The following DOP1B variants were observed in gnomAD, a reference collection of about 807,000 sequenced individuals.
DOP1B encodes the protein DOP1 leucine zipper like protein B.
In DOP1B, 174 loss-of-function variants were observed where a neutral mutation model predicts 233.5. The ratio of observed to expected loss-of-function variants is 0.75; its 90% CI spans 0.66 to 0.85. The LOEUF (loss-of-function observed/expected upper bound fraction) is 0.85. DOP1B is among the 40% of genes least tolerant of loss of function. The pLI is 0.00. For synonymous variants in DOP1B, 1,190 were observed against 1,185.6 expected (o/e 1.00, Z -0.08); for missense variants, 2,652 against 2,846.6 (o/e 0.93, Z 1.56).
chr21:36,206,940 A>G (rs535695928), intron 4 of DOP1B, among the ~76,000 whole-genome samples: 7 of 152,314 alleles, frequency 4.6e-5, no homozygotes, highest in South Asian at 2.1e-4. Context: ...AATATTTTAC[A>G]GGAAGTTCAG....
At position 36,278,737 on chromosome 21, in the gene DOP1B, C is replaced by T. The variant is rs542337334; in HGVS notation, c.5969+382C>T. 3.9e-5 allele frequency among the ~76,000 whole-genome samples: 6 copies of T among 152,090 alleles called. No homozygotes were observed. In the South Asian group the frequency reaches 6.2e-4, roughly 16 times the overall value. ...TTCAAAAATTAGCCGGGCATGGCAGCGCACACCTGTAGTTCCAGCTACTCG... is the reference window on the plus strand; with the variant it reads ...TTCAAAAATTAGCCGGGCATGGCAGTGCACACCTGTAGTTCCAGCTACTCG... On this transcript the variant is annotated intron_variant, in intron 30 of 36. Coordinates refer to ENST00000691173, the MANE Select transcript of DOP1B (RefSeq NM_001320714.2).
intron 2 of DOP1B, among the ~76,000 whole-genome samples, chr21:36,183,049 C>T (rs1311648121): frequency 6.6e-6 from 1 of 152,182 alleles, no homozygotes; most frequent in Non-Finnish European, 1.5e-5. Context: ...GAGGCAGGGT[C>T]TCACTATGTT....
intron 2 of DOP1B, among the ~76,000 whole-genome samples, chr21:36,177,265 C>G (rs1053652511): frequency 6.6e-6 from 1 of 152,150 alleles, no homozygotes; most frequent in Non-Finnish European, 1.5e-5. Flanking sequence ...CACTGCTACC[C>G]CAGGCTTCAC....
intron 13 of DOP1B, among the ~76,000 whole-genome samples, chr21:36,229,947 G>T (rs1045137950): frequency 1.3e-5 from 2 of 152,118 alleles, no homozygotes; most frequent in African/African-American, 4.8e-5. Context: ...ACAGGCATGA[G>T]CCACCACACC....
chr21:36,164,046 A>G (rs967814560), intron 1 of DOP1B, among the ~76,000 whole-genome samples: 2 of 152,222 alleles, frequency 1.3e-5, no homozygotes, highest in African/African-American at 4.8e-5. Context: ...GAGCTGTCAC[A>G]TGGCCACCTA....
chr21:36,234,638 T>A (rs2066806059), intron 15 of DOP1B, among the ~76,000 whole-genome samples: 2 of 152,084 alleles, frequency 1.3e-5, no homozygotes, highest in South Asian at 4.1e-4. Context: ...CCTCCTGAAT[T>A]CAAGCGATTC....
intron 18 of DOP1B, among the ~76,000 whole-genome samples, chr21:36,240,709 T>A (rs768204051): frequency 5.6e-5 from 8 of 142,250 alleles, no homozygotes; most frequent in Admixed American, 6.9e-5. Context: ...AAAGAAAAAC[T>A]AAATAAGCCT....
chr21:36,290,221 T>C (rs2067539771), intron 35 of DOP1B, among the ~76,000 whole-genome samples: 1 of 152,254 alleles, frequency 6.6e-6, no homozygotes, highest in Non-Finnish European at 1.5e-5. Flanking sequence ...GAAAGTCTTT[T>C]AGTTTTTAAA....
chr21:36,289,458 T>C (rs955403336), intron 35 of DOP1B, among the ~76,000 whole-genome samples: 14 of 149,192 alleles, frequency 9.4e-5, no homozygotes, highest in East Asian at 3.9e-4. Context: ...TGTGTGTGTG[T>C]GTGTGTGTGT....
chr21:36,195,756 C>A (rs2835312), intron 2 of DOP1B, among the ~76,000 whole-genome samples: 1 of 152,114 alleles, frequency 6.6e-6, no homozygotes, highest in South Asian at 2.1e-4. Flanking sequence ...GAAAAGAGAT[C>A]TATCAGTCAG....
intron 13 of DOP1B, among the ~76,000 whole-genome samples, chr21:36,228,220 T>C (rs887189204): frequency 1.3e-5 from 2 of 152,022 alleles, no homozygotes; most frequent in Non-Finnish European, 2.9e-5. Flanking sequence ...CCCAGCACTT[T>C]GGCAAGCTGA....
At chr21:36,235,654 G>C (rs1459848229) in intron 15 of DOP1B, among the ~76,000 whole-genome samples, 1 of 152,096 alleles carries the variant, frequency 6.6e-6, no homozygotes, top group East Asian at 1.9e-4. Context: ...CTTGAGCCAA[G>C]GAGGCAGAGG....
At chr21:36,232,664 A>C in intron 14 of DOP1B, 140 bp from the exon 15 acceptor site, 1 of 1,123,258 alleles carries the variant, frequency 8.9e-7, no homozygotes, top group Non-Finnish European at 1.3e-6. Flanking sequence ...AAGTCTCACC[A>C]GCGGGAGGTT....
At chr21:36,276,666 C>T (rs1024259442) in intron 27 of DOP1B, among the ~76,000 whole-genome samples, 1 of 151,972 alleles carries the variant, frequency 6.6e-6, no homozygotes, top group Non-Finnish European at 1.5e-5. Flanking sequence ...CATGGCAAAA[C>T]CCCGTCTCTA....
At chr21:36,224,178 C>T (rs1417638873) in intron 11 of DOP1B, among the ~76,000 whole-genome samples, 1 of 151,984 alleles carries the variant, frequency 6.6e-6, no homozygotes, top group East Asian at 1.9e-4. Flanking sequence ...ATGACGGAGT[C>T]TCTGTCTCTC....
intron 36 of DOP1B, 106 bp downstream of exon 36, chr21:36,292,339 C>T: frequency 1.2e-6 from 1 of 849,632 alleles, no homozygotes; most frequent in Non-Finnish European, 1.7e-6. Context: ...TTACTGCAGC[C>T]TCCACCTCCC....
intron 2 of DOP1B, among the ~76,000 whole-genome samples, chr21:36,194,198 A>G (rs2066263071): frequency 6.6e-6 from 1 of 152,092 alleles, no homozygotes; most frequent in Non-Finnish European, 1.5e-5. Context: ...TAGAGTGTAT[A>G]AACACTCAAT....
chr21:36,274,644 A>G (rs2067329629), intron 27 of DOP1B, among the ~76,000 whole-genome samples: 1 of 152,098 alleles, frequency 6.6e-6, no homozygotes, highest in Non-Finnish European at 1.5e-5. Flanking sequence ...AAAGTGCAAC[A>G]GGAAGGGGCA....
chr21:36,157,129 C>T (rs1479231804), intron 1 of DOP1B, among the ~76,000 whole-genome samples, 186 bp downstream of exon 1: 4 of 152,096 alleles, frequency 2.6e-5, no homozygotes, highest in Admixed American at 2.0e-4. Context: ...GCGGCGCGCT[C>T]TGCTGCAGTG....
Sources: gnomAD v4.1 joint callset for allele counts (sites outside exome capture counted in the v4.1 genomes callset) on GRCh38, gnomAD v4.1.1 for gene constraint, MANE v1.5 for transcripts, NCBI Gene and HGNC (gene_info 2026-07-23, HGNC 2026-07-21) for gene names.